The following KIF1B variants were observed in gnomAD, a reference collection of about 807,000 sequenced individuals.
KIF1B encodes kinesin family member 1B.
A neutral mutation model predicts 241.9 loss-of-function variants in KIF1B; 76 were observed. The ratio of observed to expected loss-of-function variants is 0.31; its 90% CI spans 0.26 to 0.38. The LOEUF is 0.38. Ranked by LOEUF, KIF1B falls within the 10% of genes least tolerant of loss-of-function variation. KIF1B has a pLI of 1.00. For missense variants in KIF1B, 1,622 were observed against 2,271.4 expected (o/e 0.71, Z 5.81); for synonymous variants, 750 against 796.7 (o/e 0.94, Z 0.99).
intron 1 of KIF1B, among the ~76,000 whole-genome samples, chr1:10,222,507 A>C (rs367831650): frequency 3.3e-5 from 5 of 152,304 alleles, no homozygotes; most frequent in African/African-American, 1.2e-4. Flanking sequence ...GCTGTTTTCT[A>C]TGGAAAAGGA....
intron 2 of KIF1B, among the ~76,000 whole-genome samples, chr1:10,233,509 A>G (rs1298256657): frequency 6.6e-6 from 1 of 152,032 alleles, no homozygotes; most frequent in Non-Finnish European, 1.5e-5. Context: ...GAGACCCCGT[A>G]TATATATTTA....
intron 22 of KIF1B, 71 bp downstream of exon 22, chr1:10,297,317 A>ACTTTC (rs1650317853): frequency 1.5e-6 from 2 of 1,350,246 alleles, no homozygotes; most frequent in African/African-American, 2.9e-5. Flanking sequence ...TGTTCCACAG[A>ACTTTC]GCAGTACTCA....
intron 36 of KIF1B, among the ~76,000 whole-genome samples, chr1:10,348,115 A>G (rs565413957): frequency 3.3e-5 from 5 of 152,270 alleles, no homozygotes; most frequent in Non-Finnish European, 7.4e-5. Context: ...CACTTTTAAT[A>G]CTTTTCATTT....
At position 10,361,776 on chromosome 1, in the gene KIF1B, C is replaced by T. The variant is rs143800192; in HGVS notation, c.4255C>T (p.Arg1419Cys). 1.4e-5 allele frequency: 22 copies of T among 1,614,080 alleles called. No individual in the cohort carries two copies. Among genetic ancestry groups the T allele is most frequent in the Non-Finnish European group, 1.7e-5 (20 of 1,180,044 alleles). The change falls in exon 40 of 49, where the codon CGC becomes TGC. Residue 1419 changes from arginine (R) to cysteine (C), a missense_variant. By Grantham distance (180) the Arg-to-Cys change is radical (BLOSUM62 -3). Transcript: ENST00000676179. ...YSRDAKISPP[R>C]SLRSLFGSGY... ...CCGAGATGCCAAGATCTCACCACCA[C>T]GCTCTCTGCGTAGCCTCTTTGGCAG... is the stretch of plus-strand genomic sequence containing the variant.
intron 1 of KIF1B, among the ~76,000 whole-genome samples, chr1:10,219,860 T>C (rs1007790012): frequency 9.9e-5 from 15 of 151,764 alleles, no homozygotes; most frequent in Admixed American, 4.6e-4. Flanking sequence ...TTGCGCCCAA[T>C]AGTTCGGTAT....
At chr1:10,275,166 G>A (rs935764320) in intron 10 of KIF1B, among the ~76,000 whole-genome samples, 1 of 152,186 alleles carries the variant, frequency 6.6e-6, no homozygotes, top group Non-Finnish European at 1.5e-5. Flanking sequence ...GAAGCTGCAC[G>A]TTGGGTATGG....
At chr1:10,221,390 G>A (rs899162572) in intron 1 of KIF1B, among the ~76,000 whole-genome samples, 2 of 152,114 alleles carry the variant, frequency 1.3e-5, no homozygotes, top group African/African-American at 4.8e-5. Flanking sequence ...GAGCTATTGC[G>A]CCCGGCCTCC....
intron 14 of KIF1B, 34 bp from the exon 15 acceptor site, chr1:10,282,288 A>C: frequency 1.9e-6 from 3 of 1,543,582 alleles, no homozygotes; most frequent in Non-Finnish European, 2.7e-6. Flanking sequence ...CCTTTTCCCT[A>C]CTTTTCCTGC....
At chr1:10,213,619 C>T (rs1387001501) in intron 1 of KIF1B, among the ~76,000 whole-genome samples, 1 of 152,076 alleles carries the variant, frequency 6.6e-6, no homozygotes, top group Admixed American at 6.6e-5. Context: ...TCCTTTTGGT[C>T]TTGTAAACTA....
rs1638831407 is a variant in KIF1B, at chr1:10,374,493, A to T, written c.5096+28A>T. The T allele has an allele frequency of 6.2e-7, 1 of 1,613,214 alleles. No individual in the cohort carries two copies. The highest frequency in any genetic ancestry group is 2.2e-5 in the East Asian group (1 of 44,878). Reference sequence around the variant, plus strand: ...GAGTACTATATTGAGCAGGAATGCCAGCTATAAAAAACAAATCCACAGGAA... The same window carrying T: ...GAGTACTATATTGAGCAGGAATGCCTGCTATAAAAAACAAATCCACAGGAA... On this transcript the variant is annotated intron_variant, in intron 46 of 48. Transcript: ENST00000676179. The surrounding 1 kb of genome is among the most constrained non-coding windows in gnomAD (Gnocchi z 4.3).
Position 10,342,076 on chromosome 1 carries a change from T to G in KIF1B, c.3540T>G (p.Phe1180Leu), listed in dbSNP as rs1557725467. The G allele has an allele frequency of 6.2e-7, 1 of 1,611,658 alleles. No individual in the cohort carries two copies. Among genetic ancestry groups the G allele is most frequent in the African/African-American group, 1.3e-5 (1 of 74,896 alleles). The change falls in exon 33 of 49, where the codon TTT becomes TTG. Residue 1180 changes from phenylalanine (F) to leucine (L), a missense_variant. Physicochemically the swap from Phe to Leu is conservative, Grantham distance 22. Around this residue, in one of 7 missense-constraint regions of KIF1B, gnomAD observed 803 missense variants for 1,112.0 expected, o/e 0.72. Coordinates refer to ENST00000676179, the MANE Select transcript of KIF1B (RefSeq NM_001365951.3). The stretch of plus-strand genomic sequence containing the variant: ...TTGCAGTGGAGATCACTGAATCATT[T>G]GTGGATTACATCAAAACCAAGCCTA... ...QNIAVEITES[F>L]VDYIKTKPIV... is the part of the protein sequence containing the mutation.
intron 2 of KIF1B, among the ~76,000 whole-genome samples, chr1:10,244,942 C>G (rs1032946310): frequency 1.3e-5 from 2 of 152,156 alleles, no homozygotes; most frequent in African/African-American, 2.4e-5. Flanking sequence ...CTCTAGGAGG[C>G]TTTTAGAGCG....
chr1:10,216,975 T>C (rs1327429994), intron 1 of KIF1B, among the ~76,000 whole-genome samples: 15 of 126,504 alleles, frequency 1.2e-4, no homozygotes, highest in East Asian at 2.3e-4. Flanking sequence ...TTTTTTTTTT[T>C]TTTTTTTTTT....
intron 2 of KIF1B, among the ~76,000 whole-genome samples, chr1:10,243,448 A>G (rs546912167): frequency 2.0e-5 from 3 of 152,194 alleles, no homozygotes; most frequent in Non-Finnish European, 4.4e-5. Context: ...GTGGGGGGAA[A>G]AAATACCATA....
intron 14 of KIF1B, among the ~76,000 whole-genome samples, chr1:10,281,515 G>A (rs924519137): frequency 1.3e-5 from 2 of 152,156 alleles, no homozygotes; most frequent in African/African-American, 4.8e-5. Flanking sequence ...AGCAGGCTTA[G>A]CAGTGACCCA....
chr1:10,306,427 T>C, intron 22 of KIF1B: 5 of 1,012,462 alleles, frequency 4.9e-6, no homozygotes, highest in Non-Finnish European at 6.0e-6. Flanking sequence ...TATTCCTTTC[T>C]ATACACAATT....
intron 2 of KIF1B, among the ~76,000 whole-genome samples, chr1:10,243,020 T>C (rs1647159765): frequency 6.6e-6 from 1 of 152,148 alleles, no homozygotes; most frequent in Non-Finnish European, 1.5e-5. Flanking sequence ...GAGGAAATGA[T>C]TTAACTAAAC....
chr1:10,315,483 T>G (rs1002949675), intron 22 of KIF1B, among the ~76,000 whole-genome samples: 9 of 151,354 alleles, frequency 5.9e-5, no homozygotes, highest in Non-Finnish European at 8.8e-5. Flanking sequence ...GCCAGGAATA[T>G]TCTCCTAATA....
At chr1:10,253,911 A>AAG (rs1409890229) in intron 2 of KIF1B, among the ~76,000 whole-genome samples, 3 of 152,242 alleles carry the variant, frequency 2.0e-5, no homozygotes, top group Admixed American at 2.0e-4. Context: ...GGAATCCAGC[A>AAG]AGAGAGAGAA....
Sources: allele counts gnomAD v4.1 joint callset (sites outside exome capture counted in the v4.1 genomes callset), GRCh38; gene constraint gnomAD v4.1.1; regional missense constraint gnomAD v4.1.1; non-coding constraint Gnocchi (gnomAD v3.1); transcripts MANE v1.5; gene names NCBI Gene and HGNC (gene_info 2026-07-23, HGNC 2026-07-21).